Variants in ZC3H12D observed in about 807,000 individuals in gnomAD.
ZC3H12D encodes the protein zinc finger CCCH-type containing 12D, also known as probable ribonuclease ZC3H12D.
A neutral mutation model predicts 24.2 loss-of-function variants in ZC3H12D; 11 were observed. That is an observed-to-expected ratio of 0.46 (90% CI 0.29 to 0.75). ZC3H12D has a LOEUF of 0.75. ZC3H12D is among the 30% of genes least tolerant of loss of function. ZC3H12D has a pLI of 0.11. For missense variants in ZC3H12D, 740 were observed against 767.7 expected, an observed-to-expected ratio of 0.96 and a Z score of 0.43; for synonymous variants, 333 against 341.8, an observed-to-expected ratio of 0.97 and a Z score of 0.28.
In ZC3H12D at chr6:149,452,548, A is replaced by G; in HGVS notation, c.787+68T>C. 7.7e-7 allele frequency: 1 copy of G among 1,304,762 alleles called. No individual in the cohort carries two copies. The highest frequency in any genetic ancestry group is 1.0e-6 in the Non-Finnish European group (1 of 990,934). The allele number at this position is 1,304,762 out of a possible 1,614,324, so 80.8% of individuals were successfully genotyped here. ...CTGAGCACCAGGCCAGCGCTTTTTG[A>G]CTGTGCTCCTGTACTGCCCCCACAC... On this transcript the variant is annotated intron_variant, in intron 5 of 5. Coordinates refer to ENST00000409806, the MANE Select transcript of ZC3H12D (RefSeq NM_207360.3). The surrounding 1 kb of genome is among the most constrained non-coding windows in gnomAD (Gnocchi z 4.0).
At position 149,456,649 on chromosome 6, in the gene ZC3H12D, A is replaced by G; in HGVS notation, c.680+17T>C. On this transcript the variant is annotated intron_variant, in intron 4 of 5. Transcript: ENST00000409806. The surrounding 1 kb of genome is among the most constrained non-coding windows in gnomAD (Gnocchi z 4.3). ...CCCCGCCGCCCCCCAGGGTGTCAGG[A>G]CCCCAGCCGGACCTACCGGTCGTTG... 7 of 880,630 alleles carry G rather than the reference A, an allele frequency of 7.9e-6. No homozygotes were observed. Among genetic ancestry groups the G allele is most frequent in the Non-Finnish European group, 1.3e-5 (7 of 557,952 alleles). 54.6% of individuals were successfully genotyped at this position (880,630 alleles called of 1,614,324 possible). A position where few individuals can be genotyped will look rare whatever the true frequency, so the allele number is the denominator to read the frequency against.
chr6:149,462,140 A>G (rs367161), intron 2 of ZC3H12D, among the ~76,000 whole-genome samples, 170 bp from the exon 3 acceptor site: 55,324 of 152,000 alleles, frequency 0.36, 10,593 homozygotes, highest in African/African-American at 0.46. Flanking sequence ...TTGGGAGGCC[A>G]AGGTGGGCAG....
intron 2 of ZC3H12D, among the ~76,000 whole-genome samples, chr6:149,465,769 G>T (rs1216586686): frequency 2.2e-4 from 24 of 110,306 alleles, no homozygotes; most frequent in Middle Eastern, 4.0e-3. Flanking sequence ...AAAAAAAAGG[G>T]GGGGGGAAGA....
intron 2 of ZC3H12D, among the ~76,000 whole-genome samples, chr6:149,469,457 CAA>C (rs916727556): frequency 7.0e-6 from 1 of 142,852 alleles, no homozygotes; most frequent in African/African-American, 2.6e-5. Flanking sequence ...GACTCCATCT[CAA>C]AAAAAAAAAG....
At chr6:149,479,707 T>C (rs1776394792) in intron 1 of ZC3H12D, among the ~76,000 whole-genome samples, 1 of 152,158 alleles carries the variant, frequency 6.6e-6, no homozygotes, top group Admixed American at 6.5e-5. Context: ...AATGGATTTG[T>C]TTTTTTAATT....
chr6:149,468,247 C>G (rs1234514961), intron 2 of ZC3H12D, among the ~76,000 whole-genome samples: 1 of 152,186 alleles, frequency 6.6e-6, no homozygotes, highest in African/African-American at 2.4e-5. Context: ...TCCCAAAGTG[C>G]TAGGATTACA....
chr6:149,459,675 A>G (rs368097132), intron 3 of ZC3H12D: 4 of 718,008 alleles, frequency 5.6e-6, no homozygotes, highest in African/African-American at 1.7e-5. Context: ...TCCCATCCCT[A>G]TCCCTATAAA....
At chr6:149,468,502 G>T (rs1284352610) in intron 2 of ZC3H12D, among the ~76,000 whole-genome samples, 1 of 152,228 alleles carries the variant, frequency 6.6e-6, no homozygotes, top group Non-Finnish European at 1.5e-5. Flanking sequence ...ATGGAGGAAG[G>T]TTGTGGCTAT....
chr6:149,482,551 C>T (rs377168279), intron 1 of ZC3H12D, among the ~76,000 whole-genome samples: 1 of 151,882 alleles, frequency 6.6e-6, no homozygotes, highest in Non-Finnish European at 1.5e-5. Context: ...GGGTTCGGGG[C>T]GGCCTGGAAG....
chr6:149,451,361 G>T lies in ZC3H12D; in HGVS notation c.906C>A (p.Gly302=). The change falls in exon 6 of 6, where the codon GGC becomes GGA. Residue 302 remains glycine (G), a synonymous_variant. Coordinates refer to ENST00000409806, the MANE Select transcript of ZC3H12D (RefSeq NM_207360.3). ...RAKTGARPGA[G]AEEQRPPRAP... ...CTCTCGGTGGCCGCTGCTCCTCGGC[G>T]CCCGCGCCAGGCCGGGCCCCTGTCT... 6.8e-7 allele frequency: 1 copy of T among 1,479,712 alleles called. No individual in the cohort carries two copies. Among genetic ancestry groups the T allele is most frequent in the Non-Finnish European group, 8.9e-7 (1 of 1,123,970 alleles). The allele number at this position is 1,479,712 out of a possible 1,614,324, so 91.7% of individuals were successfully genotyped here. A position where few individuals can be genotyped will look rare whatever the true frequency, so the allele number is the denominator to read the frequency against.
At chr6:149,473,265 A>G (rs73779373) in intron 2 of ZC3H12D, among the ~76,000 whole-genome samples, 2,231 of 152,110 alleles carry the variant, frequency 0.015, 53 homozygotes, top group African/African-American at 0.052. Flanking sequence ...CCAAATCCCC[A>G]GGGGAAACTC....
At chr6:149,465,766 A>AGG (rs55719616) in intron 2 of ZC3H12D, among the ~76,000 whole-genome samples, 20 of 143,716 alleles carry the variant, frequency 1.4e-4, no homozygotes, top group African/African-American at 4.8e-4. Flanking sequence ...AAAAAAAAAA[A>AGG]GGGGGGGGGA....
chr6:149,457,903 A>C (rs1776009332), intron 3 of ZC3H12D, among the ~76,000 whole-genome samples: 1 of 152,154 alleles, frequency 6.6e-6, no homozygotes, highest in Non-Finnish European at 1.5e-5. Context: ...CAAAGAACAA[A>C]AATAAAGACG....
chr6:149,459,181 C>T (rs541762156), intron 3 of ZC3H12D, among the ~76,000 whole-genome samples: 3 of 152,262 alleles, frequency 2.0e-5, no homozygotes, highest in East Asian at 1.9e-4. Flanking sequence ...TTAAAAATTC[C>T]TTCCCTATCC....
Position 149,451,243 on chromosome 6 carries a change from G to A in ZC3H12D, c.1024C>T (p.Leu342=). 5 of 1,299,724 alleles carry A rather than the reference G, an allele frequency of 3.8e-6. No homozygotes were observed. The highest frequency in any genetic ancestry group is 4.9e-6 in the Non-Finnish European group (5 of 1,030,462). The allele number at this position is 1,299,724 out of a possible 1,614,324, so 80.5% of individuals were successfully genotyped here. A position where few individuals can be genotyped will look rare whatever the true frequency, so the allele number is the denominator to read the frequency against. The change falls in exon 6 of 6, where the codon CTG becomes TTG. Residue 342 remains leucine (L), a synonymous_variant. Transcript: ENST00000409806. Reference sequence around the variant, plus strand: ...GCCAGCCGAGAGAAGCTCCCTCGCAGGGCGGCCAGGTCCGGGGACCCCCGC... The same window carrying A: ...GCCAGCCGAGAGAAGCTCCCTCGCAAGGCGGCCAGGTCCGGGGACCCCCGC... The part of the protein sequence containing the change: ...PARGSPDLAA[L]RGSFSRLAFS...
intron 1 of ZC3H12D, among the ~76,000 whole-genome samples, chr6:149,481,711 C>CAAACAAAAAA (rs1776428361): frequency 6.7e-6 from 1 of 148,680 alleles, no homozygotes; most frequent in Non-Finnish European, 1.5e-5. Flanking sequence ...TCCCGTTACA[C>CAAACAAAAAA]CTGGTGGGAA....
Position 149,480,815 on chromosome 6 carries a change from CTGT to C in ZC3H12D, c.-71+3995_-71+3997del, listed in dbSNP as rs367818156. 3.0e-3 allele frequency among the ~76,000 whole-genome samples: 447 copies of C among 148,844 alleles called. 7 individuals carry two copies. The highest frequency in any genetic ancestry group is 8.5e-3 in the South Asian group (33 of 3,892). On this transcript the variant is annotated intron_variant, in intron 1 of 5. Coordinates refer to ENST00000409806, the MANE Select transcript of ZC3H12D (RefSeq NM_207360.3). ...TGGAGGGGCAGGGAAGGCCAAGGAA[CTGT>C]TGAAGAGAACTGAACTGCACAGTGA...
chr6:149,478,266 G>A (rs1345184305), intron 1 of ZC3H12D, among the ~76,000 whole-genome samples: 2 of 151,956 alleles, frequency 1.3e-5, no homozygotes, highest in Non-Finnish European at 2.9e-5. Context: ...ATATTCTAGA[G>A]TCTACATGTT....
chr6:149,479,380 TA>T (rs1452847856), intron 1 of ZC3H12D, among the ~76,000 whole-genome samples: 1 of 152,078 alleles, frequency 6.6e-6, no homozygotes, highest in Non-Finnish European at 1.5e-5. Flanking sequence ...AAACTAAATT[TA>T]AAAAACAAAC....
Sources: allele counts gnomAD v4.1 joint callset (sites outside exome capture counted in the v4.1 genomes callset), GRCh38; gene constraint gnomAD v4.1.1; non-coding constraint Gnocchi (gnomAD v3.1); transcripts MANE v1.5; gene names NCBI Gene and HGNC (gene_info 2026-07-23, HGNC 2026-07-21).